Variants in DLGAP2 observed in about 807,000 individuals in gnomAD.
DLGAP2 encodes DLG associated protein 2, also known as disks large-associated protein 2.
Under a neutral mutation model 100.3 loss-of-function variants are expected in DLGAP2, and 26 were observed. The observed-to-expected ratio is 0.26, with a 90% CI of 0.19 to 0.36. DLGAP2 has a LOEUF of 0.36. DLGAP2 is among the 10% of genes least tolerant of loss of function. The pLI is 1.00. For missense variants in DLGAP2, 1,858 were observed against 1,453.2 expected (o/e 1.28, Z -4.53); for synonymous variants, 886 against 630.1 (o/e 1.41, Z -6.08).
chr8:1,589,482 G>C (rs1467523897), intron 6 of DLGAP2, among the ~76,000 whole-genome samples: 3 of 152,152 alleles, frequency 2.0e-5, no homozygotes, highest in Non-Finnish European at 4.4e-5. Context: ...TGTTGCCCAG[G>C]CTGGAGTGCA....
intron 3 of DLGAP2, chr8:1,302,596 C>G (rs1199216018): frequency 2.6e-5 from 4 of 152,270 alleles, no homozygotes; most frequent in African/African-American, 7.2e-5. Context: ...TGGGACCGGA[C>G]TCGGTATTTT....
intron 4 of DLGAP2, among the ~76,000 whole-genome samples, chr8:1,537,928 C>A (rs1801212250): frequency 6.6e-6 from 1 of 152,148 alleles, no homozygotes; most frequent in Non-Finnish European, 1.5e-5. Flanking sequence ...TACAATGGGT[C>A]TTAAAGATGG....
intron 2 of DLGAP2, among the ~76,000 whole-genome samples, chr8:965,938 G>C (rs1799860161): frequency 6.6e-6 from 1 of 152,186 alleles, no homozygotes; most frequent in African/African-American, 2.4e-5. Flanking sequence ...GGCAAGGACA[G>C]CTACCATGAG....
intron 12 of DLGAP2, among the ~76,000 whole-genome samples, chr8:1,680,312 G>A (rs898173735): frequency 5.9e-5 from 9 of 152,162 alleles, no homozygotes; most frequent in Non-Finnish European, 1.3e-4. Context: ...TGTTTTAATA[G>A]GGCATTCACT....
intron 12 of DLGAP2, among the ~76,000 whole-genome samples, chr8:1,688,820 A>C (rs773233904): frequency 6.6e-6 from 1 of 152,212 alleles, no homozygotes. Context: ...CACCGCACAC[A>C]CTGCTGTGTA....
At chr8:1,649,409 G>A (rs932956791) in intron 8 of DLGAP2, among the ~76,000 whole-genome samples, 36 of 152,126 alleles carry the variant, frequency 2.4e-4, no homozygotes, top group Admixed American at 8.5e-4. Flanking sequence ...GTGGTGTTGG[G>A]GTAAACAGAA....
chr8:1,447,390 A>C (rs1370468688), intron 3 of DLGAP2, among the ~76,000 whole-genome samples: 2 of 152,204 alleles, frequency 1.3e-5, no homozygotes, highest in African/African-American at 4.8e-5. Flanking sequence ...GATTACATTT[A>C]TTGATTTGCA....
chr8:952,016 G>A (rs1437042789), intron 2 of DLGAP2, among the ~76,000 whole-genome samples: 4 of 152,184 alleles, frequency 2.6e-5, no homozygotes, highest in Non-Finnish European at 2.9e-5. Flanking sequence ...TTGCCCTCCC[G>A]GGAGTGCCCT....
intron 2 of DLGAP2, among the ~76,000 whole-genome samples, chr8:1,086,552 C>T (rs1563183774): frequency 6.6e-6 from 1 of 152,002 alleles, no homozygotes; most frequent in Admixed American, 6.5e-5. Context: ...GACACACAGC[C>T]TGAGAGTGAT....
At chr8:1,027,645 G>C (rs1312258762) in intron 2 of DLGAP2, among the ~76,000 whole-genome samples, 3 of 144,786 alleles carry the variant, frequency 2.1e-5, no homozygotes, top group African/African-American at 7.8e-5. Context: ...TTCTCCAGGT[G>C]GGGTACCAGG....
In DLGAP2 at chr8:1,052,211, C is replaced by G. The variant is rs191533365; in HGVS notation, c.73+144245C>G. Among the ~76,000 whole-genome samples the G allele has an allele frequency of 6.1e-4, 93 of 152,318 alleles. 2 individuals are homozygous for G. In the Middle Eastern group the frequency reaches 0.014, roughly 22 times the overall value. On this transcript the variant is annotated intron_variant, in intron 2 of 14. Transcript: ENST00000637795. ...GCCTGCCTCTGACCACCCCTTCCCC[C>G]CATTCTCATGCATGTAGACAGTTCA...
At chr8:1,249,428 C>T (rs1178918369) in intron 2 of DLGAP2, among the ~76,000 whole-genome samples, 1 of 152,164 alleles carries the variant, frequency 6.6e-6, no homozygotes, top group Admixed American at 6.6e-5. Flanking sequence ...GGCCTAAATA[C>T]AACTTTCTTC....
At chr8:1,081,641 C>G (rs187385789) in intron 2 of DLGAP2, among the ~76,000 whole-genome samples, 26 of 152,162 alleles carry the variant, frequency 1.7e-4, no homozygotes, top group African/African-American at 6.0e-4. Flanking sequence ...GTGACCCCCA[C>G]GCCTGGCTAG....
chr8:1,203,267 C>T (rs569127647), intron 2 of DLGAP2, among the ~76,000 whole-genome samples: 3 of 149,648 alleles, frequency 2.0e-5, no homozygotes, highest in African/African-American at 4.9e-5. Flanking sequence ...GTGTGTCCTT[C>T]GGTGATGAGG....
At chr8:1,621,321 G>A (rs578074242) in intron 6 of DLGAP2, 45 of 152,946 alleles carry the variant, frequency 2.9e-4, no homozygotes, top group African/African-American at 1.1e-3. Flanking sequence ...GCAGAGGAGA[G>A]CCAGAGGAGG....
intron 6 of DLGAP2, among the ~76,000 whole-genome samples, chr8:1,588,526 G>C (rs6558489): frequency 6.6e-6 from 1 of 151,838 alleles, no homozygotes; most frequent in East Asian, 1.9e-4. Flanking sequence ...TTATTCATTC[G>C]GTAAGTAAAT....
In DLGAP2 at chr8:1,580,224, C is replaced by T. The variant is rs1803174661; in HGVS notation, c.1442+14330C>T. ...AAACGTGAAAGTAACTATAGTTATG[C>T]GATCAAGCAGCGGCACAGTGGGCCT... On this transcript the variant is annotated intron_variant, in intron 6 of 14. Coordinates refer to ENST00000637795, the MANE Select transcript of DLGAP2 (RefSeq NM_001346810.2). 2.6e-5 allele frequency among the ~76,000 whole-genome samples: 4 copies of T among 152,102 alleles called. No homozygotes were observed. In the South Asian group the frequency reaches 6.2e-4, roughly 24 times the overall value.
chr8:1,418,139 C>G (rs968508868), intron 3 of DLGAP2, among the ~76,000 whole-genome samples: 2 of 152,178 alleles, frequency 1.3e-5, no homozygotes, highest in African/African-American at 2.4e-5. Flanking sequence ...ACAGTGTGGC[C>G]TCATGCACAG....
rs540739442 is a variant in DLGAP2 at position 1,099,873 on chromosome 8, C to T, written c.74-158978C>T. On this transcript the variant is annotated intron_variant, in intron 2 of 14. Coordinates refer to ENST00000637795, the MANE Select transcript of DLGAP2 (RefSeq NM_001346810.2). ...AGACATGCATTCAAAATCCTCATTT[C>T]AATGGAAACACGTCCCTTCTATTAT... Among the ~76,000 whole-genome samples the T allele has an allele frequency of 4.6e-5, 7 of 152,314 alleles. No homozygotes were observed. In the South Asian group the frequency reaches 1.5e-3, roughly 32 times the overall value.
Sources: allele counts gnomAD v4.1 joint callset (sites outside exome capture counted in the v4.1 genomes callset), GRCh38; gene constraint gnomAD v4.1.1; transcripts MANE v1.5; gene names NCBI Gene and HGNC (gene_info 2026-07-23, HGNC 2026-07-21).